AVL9: variants seen among roughly 807,000 people sequenced by gnomAD.
AVL9 encodes late secretory pathway protein AVL9 homolog.
In AVL9, 49 loss-of-function variants were observed where a neutral mutation model predicts 79.2. The ratio of observed to expected loss-of-function variants is 0.62; its 90% CI spans 0.49 to 0.79. AVL9 has a LOEUF of 0.79. Among genes scored for constraint, AVL9 ranks in the 30% least tolerant of loss-of-function variants. The pLI is 0.00. For missense variants in AVL9, 682 were observed against 776.8 expected, an observed-to-expected ratio of 0.88 and a Z score of 1.45; for synonymous variants, 299 against 280.6, an observed-to-expected ratio of 1.07 and a Z score of -0.65.
rs1790189070 is a variant in AVL9 at position 32,558,629 on chromosome 7, G to A, written c.679+1G>A. 4 of 1,604,606 alleles carry A rather than the reference G, an allele frequency of 2.5e-6. No individual in the cohort carries two copies. Among genetic ancestry groups the A allele is most frequent in the African/African-American group, 1.3e-5 (1 of 74,462 alleles). On this transcript the variant is annotated splice_donor_variant, in intron 9 of 15. Transcript: ENST00000318709. LOFTEE classifies it high-confidence loss of function. ...ATGACTGTGTTATCCCTTTTTCCAG[G>A]TAAGAAAACAGCAGTATCTACTCTT...
rs1583615245 is a variant in AVL9, at chr7:32,581,823, G to T, written c.1831+933G>T. On this transcript the variant is annotated intron_variant, in intron 15 of 15. Coordinates refer to ENST00000318709, the MANE Select transcript of AVL9 (RefSeq NM_015060.3). ...AGGGCAAGAGTCTTAAAGAAAGAAAGAAATTAATTGAATTTAACGTGAAAA... is the reference window on the plus strand; with the variant it reads ...AGGGCAAGAGTCTTAAAGAAAGAAATAAATTAATTGAATTTAACGTGAAAA... Among the ~76,000 whole-genome samples the T allele has an allele frequency of 1.3e-5, 2 of 152,178 alleles. 1 individual carries two copies. The highest frequency in any genetic ancestry group is 4.1e-4 in the South Asian group (2 of 4,836).
At chr7:32,532,580 TACAC>T (rs1274398875) in intron 1 of AVL9, 1 of 152,218 alleles carries the variant, frequency 6.6e-6, no homozygotes, top group Non-Finnish European at 1.5e-5. Context: ...AAAATTAAAA[TACAC>T]ATTATCTATT....
intron 1 of AVL9, among the ~76,000 whole-genome samples, chr7:32,519,599 A>G (rs1410068698): frequency 6.6e-6 from 1 of 152,090 alleles, no homozygotes; most frequent in Non-Finnish European, 1.5e-5. Flanking sequence ...AGTAACCTTG[A>G]TTTTTTTCAC....
intron 1 of AVL9, among the ~76,000 whole-genome samples, chr7:32,497,174 G>A (rs1053997180): frequency 1.3e-5 from 2 of 152,034 alleles, no homozygotes; most frequent in Admixed American, 1.3e-4. Flanking sequence ...TGGACAACAC[G>A]GTGAAACCCC....
Position 32,583,837 on chromosome 7 carries a change from C to T in AVL9, c.1877C>T (p.Ser626Phe), listed in dbSNP as rs1430149418. 1 of 1,614,120 alleles carries T rather than the reference C, an allele frequency of 6.2e-7. No individual in the cohort carries two copies. Among genetic ancestry groups the T allele is most frequent in the Non-Finnish European group, 8.5e-7 (1 of 1,180,010 alleles). ...TTTTCCAGTGCAAAGACAGCTATGT[C>T]TTCATGGCTTTCCACTTTCACCACT... ...GAFSSAKTAMSSWLSTFTTST... is the reference protein window; with the variant it reads ...GAFSSAKTAMFSWLSTFTTST... The change falls in exon 16 of 16, where the codon TCT (serine) becomes TTT (phenylalanine). Residue 626 changes from serine (S) to phenylalanine (F), a missense_variant. Transcript: ENST00000318709.
intron 13 of AVL9, among the ~76,000 whole-genome samples, chr7:32,576,355 A>G (rs539842765): frequency 6.6e-5 from 10 of 152,346 alleles, no homozygotes; most frequent in East Asian, 1.9e-4. Flanking sequence ...TCAGTACACA[A>G]TGATTCTTCT....
intron 1 of AVL9, among the ~76,000 whole-genome samples, chr7:32,540,744 C>T (rs538925841): frequency 6.6e-6 from 1 of 152,122 alleles, no homozygotes; most frequent in Non-Finnish European, 1.5e-5. Flanking sequence ...TACATTCCTA[C>T]AGCCGGCTTC....
intron 3 of AVL9, among the ~76,000 whole-genome samples, chr7:32,547,745 G>A (rs773061571): frequency 9.9e-5 from 15 of 152,142 alleles, no homozygotes; most frequent in African/African-American, 3.1e-4. Context: ...AACTCCTTTC[G>A]AATGAAGATA....
intron 2 of AVL9, 145 bp downstream of exon 2, chr7:32,543,406 T>G: frequency 9.4e-7 from 1 of 1,066,088 alleles, no homozygotes; most frequent in Non-Finnish European, 1.3e-6. Flanking sequence ...TGGAGATAAC[T>G]AGTCATTCAC....
At chr7:32,524,454 G>T (rs1788311752) in intron 1 of AVL9, among the ~76,000 whole-genome samples, 1 of 152,066 alleles carries the variant, frequency 6.6e-6, no homozygotes, top group South Asian at 2.1e-4. Context: ...GACAGTGGTT[G>T]CAGTGAACCG....
At chr7:32,523,071 A>C (rs1241301817) in intron 1 of AVL9, among the ~76,000 whole-genome samples, 4 of 148,002 alleles carry the variant, frequency 2.7e-5, no homozygotes, top group African/African-American at 1.0e-4. Context: ...ATGAAAATGG[A>C]TTTGAATACA....
At chr7:32,524,687 GA>G (rs969870955) in intron 1 of AVL9, among the ~76,000 whole-genome samples, 3 of 152,196 alleles carry the variant, frequency 2.0e-5, no homozygotes, top group Non-Finnish European at 2.9e-5. Context: ...GAACTAGTAA[GA>G]TTGCCTGAGC....
intron 1 of AVL9, among the ~76,000 whole-genome samples, chr7:32,522,432 T>C (rs1788203008): frequency 1.3e-5 from 2 of 152,206 alleles, no homozygotes; most frequent in African/African-American, 4.8e-5. Context: ...AACATTTGAC[T>C]GCCCCACTGA....
intron 8 of AVL9, among the ~76,000 whole-genome samples, chr7:32,557,853 C>CTTTTTTTTTTT (rs3079799): frequency 2.7e-5 from 2 of 73,268 alleles, no homozygotes; most frequent in East Asian, 4.1e-4. Flanking sequence ...AGCTGTTACT[C>CTTTTTTTTTTT]TTTTTTTTTT....
chr7:32,550,078 C>T (rs1789741643), intron 4 of AVL9, among the ~76,000 whole-genome samples: 1 of 151,946 alleles, frequency 6.6e-6, no homozygotes, highest in Admixed American at 6.6e-5. Context: ...TTATACTGGA[C>T]CAGATGACAG....
chr7:32,579,601 A>T (rs28516483), intron 13 of AVL9, among the ~76,000 whole-genome samples: 105 of 4,096 alleles, frequency 0.026, 33 homozygotes, highest in African/African-American at 0.082. Flanking sequence ...TATATTATAT[A>T]TTATATTATA....
intron 8 of AVL9, 135 bp from the exon 9 acceptor site, chr7:32,558,424 G>A: frequency 1.7e-6 from 1 of 594,590 alleles, no homozygotes; most frequent in South Asian, 2.2e-5. Flanking sequence ...CCAAAGTGCT[G>A]GGATTACAGG....
intron 3 of AVL9, among the ~76,000 whole-genome samples, chr7:32,545,480 C>G (rs903625215): frequency 1.4e-4 from 21 of 150,434 alleles, no homozygotes; most frequent in African/African-American, 5.2e-4. Context: ...AGCCCTCCTC[C>G]CATCTCAGAC....
At chr7:32,533,004 AGAC>A (rs1788734153) in intron 1 of AVL9, 2 of 108,258 alleles carry the variant, frequency 1.8e-5, no homozygotes, top group Admixed American at 2.6e-4. Flanking sequence ...TGACAGAGCA[AGAC>A]CCTGTCTCTT....
Sources: gnomAD v4.1 joint callset for allele counts (sites outside exome capture counted in the v4.1 genomes callset) on GRCh38, gnomAD v4.1.1 for gene constraint, MANE v1.5 for transcripts, NCBI Gene and HGNC (gene_info 2026-07-23, HGNC 2026-07-21) for gene names.